The following RABGGTA variants were observed in gnomAD, a reference collection of about 807,000 sequenced individuals.
RABGGTA encodes Rab geranylgeranyltransferase subunit alpha, also known as geranylgeranyl transferase type-2 subunit alpha.
RABGGTA carries 69 observed loss-of-function variants against 83.3 expected under a neutral mutation model. The ratio of observed to expected loss-of-function variants is 0.83; its 90% CI spans 0.68 to 1.01. RABGGTA has a LOEUF of 1.01. RABGGTA is among the 50% of genes least tolerant of loss of function. The pLI is 0.00. For missense variants in RABGGTA, 681 were observed against 712.7 expected, an observed-to-expected ratio of 0.96 and a Z score of 0.51; for synonymous variants, 310 against 299.8, an observed-to-expected ratio of 1.03 and a Z score of -0.35.
At position 24,270,163 on chromosome 14, in the gene RABGGTA, G is replaced by T. The variant is rs534734613; in HGVS notation, c.240-23C>A. The T allele has an allele frequency of 6.3e-5, 101 of 1,592,038 alleles. No individual in the cohort carries two copies. In the East Asian group the frequency reaches 1.8e-3, roughly 29 times the overall value. ...GACCTGTACCCAGAAGGGAAGGGGG[G>T]GGTCAGGGCTCTCCTACAGTCAACC... On this transcript the variant is annotated intron_variant, in intron 4 of 16. Transcript: ENST00000216840.
intron 16 of RABGGTA, among the ~76,000 whole-genome samples, chr14:24,266,225 T>G (rs1467560754): frequency 6.6e-6 from 1 of 152,122 alleles, no homozygotes; most frequent in Non-Finnish European, 1.5e-5. Context: ...AACTCTGACT[T>G]GAGGAAGTCC....
chr14:24,266,947 C>T (rs1487361787), intron 14 of RABGGTA, 58 bp from the exon 15 acceptor site: 9 of 1,328,648 alleles, frequency 6.8e-6, no homozygotes, highest in Non-Finnish European at 9.7e-6. Context: ...GGGAGAGGGT[C>T]CTCGGCCAGC....
chr14:24,267,552 T>C (rs1261914558), intron 14 of RABGGTA, 108 bp downstream of exon 14: 1 of 812,072 alleles, frequency 1.2e-6, no homozygotes, highest in Non-Finnish European at 2.0e-6. Flanking sequence ...GGATGAACTC[T>C]ATCTTGATTG....
Position 24,268,596 on chromosome 14 carries a change from G to A in RABGGTA, c.924C>T (p.Ser308=), listed in dbSNP as rs2040903390. 3.7e-6 allele frequency: 6 copies of A among 1,613,988 alleles called. No individual in the cohort carries two copies. Among genetic ancestry groups the A allele is most frequent in the Non-Finnish European group, 5.1e-6 (6 of 1,179,882 alleles). ...TATGTTGGGGCAACTGGTCGTTGAGGGAGGCAGCAGGCAGGTCACAGAGCT... is the reference window on the plus strand; with the variant it reads ...TATGTTGGGGCAACTGGTCGTTGAGAGAGGCAGCAGGCAGGTCACAGAGCT... ...HVWLCDLPAA[S]LNDQLPQHTF... Residue 308 remains serine (S), a synonymous_variant, in exon 10 of 17, where the codon TCC becomes TCT. Coordinates refer to ENST00000216840, the MANE Select transcript of RABGGTA (RefSeq NM_182836.3).
chr14:24,266,795 G>A lies in RABGGTA; in HGVS notation c.1448C>T (p.Ala483Val). The change falls in exon 15 of 17, where the codon GCT becomes GTT. Residue 483 changes from alanine to valine, a missense_variant. Ala to Val is a moderately conservative substitution (Grantham distance 64). Transcript: ENST00000216840. ...CTTTACCTCAAGGCAGCGCAGGGCAGCCAGTGCAGGTGGCAGGGTTCGGAG... is the reference window on the plus strand; with the variant it reads ...CTTTACCTCAAGGCAGCGCAGGGCAACCAGTGCAGGTGGCAGGGTTCGGAG... ...NRLRTLPPAL[A>V]ALRCLEVLQA... 1 of 1,613,702 alleles carries A rather than the reference G, an allele frequency of 6.2e-7. No homozygotes were observed. The highest frequency in any genetic ancestry group is 8.5e-7 in the Non-Finnish European group (1 of 1,179,632).
At chr14:24,266,573 A>G (rs1223917970) in intron 15 of RABGGTA, 56 bp from the exon 16 acceptor site, 3 of 1,530,570 alleles carry the variant, frequency 2.0e-6, no homozygotes, top group Non-Finnish European at 2.7e-6. Context: ...GGGATGGTTC[A>G]GCAACTGAGG....
At chr14:24,271,018 T>C (rs1594584748) in intron 2 of RABGGTA, 71 bp from the exon 3 acceptor site, 1 of 1,601,020 alleles carries the variant, frequency 6.2e-7, no homozygotes, top group East Asian at 2.2e-5. Flanking sequence ...CCCCACACTG[T>C]GGAGCCCTAG....
intron 3 of RABGGTA, 98 bp downstream of exon 3, chr14:24,270,739 A>G: frequency 6.7e-7 from 1 of 1,482,354 alleles, no homozygotes; most frequent in Admixed American, 2.2e-5. Flanking sequence ...GATAACCCAG[A>G]ATTGGATCTA....
intron 14 of RABGGTA, among the ~76,000 whole-genome samples, chr14:24,267,446 G>C (rs1023903390): frequency 6.6e-6 from 1 of 152,098 alleles, no homozygotes; most frequent in Non-Finnish European, 1.5e-5. Context: ...AACAGCACAA[G>C]GAGGTCCTGG....
rs750718192 is a variant in RABGGTA at position 24,268,489 on chromosome 14, G to A, written c.1006+25C>T. ...AAAGAGTGATGGGGGCTGCTGCAAG[G>A]GGTGGAGGCTGCAGGTTCCATCACC... On this transcript the variant is annotated intron_variant, in intron 10 of 16. Transcript: ENST00000216840. 5 of 1,613,092 alleles carry A rather than the reference G, an allele frequency of 3.1e-6. No individual in the cohort carries two copies. The Admixed American group carries it at 6.7e-5, about 22-fold the overall frequency.
intron 16 of RABGGTA, 45 bp from the exon 17 acceptor site, chr14:24,265,808 T>G (rs377390733): frequency 6.4e-7 from 1 of 1,554,632 alleles, no homozygotes; most frequent in Non-Finnish European, 8.7e-7. Flanking sequence ...TCCTCCCAAT[T>G]TATTTGCTCC....
Position 24,271,139 on chromosome 14 carries a change from A to T in RABGGTA, c.-24T>A. 1 of 1,534,522 alleles carries T rather than the reference A, an allele frequency of 6.5e-7. No homozygotes were observed. The highest frequency in any genetic ancestry group is 8.8e-7 in the Non-Finnish European group (1 of 1,141,658). On this transcript the variant is annotated 5_prime_UTR_variant, in exon 2 of 17. Transcript: ENST00000216840. ...ATGGTGCCGGCTCAGGGTTCAAGAC[A>T]GGGGAAGGGTCCAGTGGTAGCCCTT... is the stretch of plus-strand genomic sequence containing the variant.
intron 1 of RABGGTA, 49 bp downstream of exon 1, chr14:24,271,438 G>A (rs889166007): frequency 5.8e-5 from 15 of 260,712 alleles, no homozygotes; most frequent in African/African-American, 2.7e-4. Flanking sequence ...GCCGCTACCC[G>A]CCCGTCCCAC....
At chr14:24,270,815 G>A (rs528484949) in intron 3 of RABGGTA, 22 bp downstream of exon 3, 1 of 1,610,010 alleles carries the variant, frequency 6.2e-7, no homozygotes, top group South Asian at 1.1e-5. Flanking sequence ...CTTGGGGTCG[G>A]GGCTACCTCT....
rs1265841391 is a variant in RABGGTA, at chr14:24,269,171, G to C, written c.632-8C>G. 1.2e-6 allele frequency: 2 copies of C among 1,607,282 alleles called. No homozygotes were observed. The highest frequency in any genetic ancestry group is 8.5e-7 in the Non-Finnish European group (1 of 1,176,560). The stretch of plus-strand genomic sequence containing the variant: ...TCTGCACCAGCTCCAGCTCTGTGGG[G>C]TTCCAGGAGGCATGGGGCTGTGGTC... On this transcript the variant is annotated splice_region_variant and splice_polypyrimidine_tract_variant and intron_variant, in intron 6 of 16. Coordinates refer to ENST00000216840, the MANE Select transcript of RABGGTA (RefSeq NM_182836.3).
Position 24,267,944 on chromosome 14 carries a change from T to C in RABGGTA, c.1162A>G (p.Ile388Val), listed in dbSNP as rs769026751. 12 of 1,613,678 alleles carry C rather than the reference T, an allele frequency of 7.4e-6. No individual in the cohort carries two copies. The highest frequency in any genetic ancestry group is 1.7e-5 in the Admixed American group (1 of 59,992). ...EPENKWCLLT[I>V]ILLMRALDPL... ...TCCAGTGCCCGCATCAGCAGGATGA[T>C]GGTAAGCAGGCACCCTGAGGAGAGG... Residue 388 changes from isoleucine to valine, a missense_variant, in exon 13 of 17, where the codon ATC becomes GTC. Coordinates refer to ENST00000216840, the MANE Select transcript of RABGGTA (RefSeq NM_182836.3).
intron 15 of RABGGTA, 122 bp downstream of exon 15, chr14:24,266,654 C>A: frequency 1.7e-6 from 2 of 1,207,232 alleles, no homozygotes; most frequent in Non-Finnish European, 2.5e-6. Flanking sequence ...AGGTGGAAGG[C>A]ACGCAGTTAC....
intron 14 of RABGGTA, 36 bp downstream of exon 14, chr14:24,267,624 T>C (rs2040889834): frequency 4.5e-6 from 7 of 1,552,752 alleles, no homozygotes; most frequent in Admixed American, 1.8e-5. Flanking sequence ...GCCAGCGGGA[T>C]GAGGGCCAGG....
intron 4 of RABGGTA, 54 bp downstream of exon 4, chr14:24,270,280 G>A (rs1435307211): frequency 1.2e-6 from 2 of 1,602,226 alleles, no homozygotes; most frequent in East Asian, 2.2e-5. Flanking sequence ...CTAGACCCAG[G>A]CAGTGCAGGC....
Sources: allele counts gnomAD v4.1 joint callset (sites outside exome capture counted in the v4.1 genomes callset), GRCh38; gene constraint gnomAD v4.1.1; transcripts MANE v1.5; gene names NCBI Gene and HGNC (gene_info 2026-07-23, HGNC 2026-07-21).